Variants in C1orf162 observed in about 807,000 individuals in gnomAD.
C1orf162 encodes chromosome 1 open reading frame 162.
Under a neutral mutation model 11.4 loss-of-function variants are expected in C1orf162, and 10 were observed. That is an observed-to-expected ratio of 0.88 (90% CI 0.54 to 1.48). The LOEUF (loss-of-function observed/expected upper bound fraction) is 1.48. C1orf162 is among the 40% of genes most tolerant of loss of function. The pLI is 0.00. For missense variants in C1orf162, 140 were observed against 149.5 expected (o/e 0.94, Z 0.33); for synonymous variants, 53 against 55.0 (o/e 0.96, Z 0.16).
At chr1:111,476,722 C>A in intron 2 of C1orf162, 76 bp from the exon 3 acceptor site, 1 of 1,449,702 alleles carries the variant, frequency 6.9e-7, no homozygotes, top group Non-Finnish European at 9.7e-7. Context: ...TAGAATGGGG[C>A]ACCTGGGGAA....
Position 111,475,945 on chromosome 1 carries a change from A to C in C1orf162, c.-11-73A>C. 2.5e-6 allele frequency: 3 copies of C among 1,187,710 alleles called. No homozygotes were observed. In the South Asian group the frequency reaches 3.7e-5, roughly 15 times the overall value. 73.6% of individuals were successfully genotyped at this position (1,187,710 alleles called of 1,614,324 possible). ...TTGTTACTACTCTTATATGACAATC[A>C]CAGTCTCAGAGCTGGCCCTTAAGCC... On this transcript the variant is annotated intron_variant, in intron 1 of 5. Coordinates refer to ENST00000369718, the MANE Select transcript of C1orf162 (RefSeq NM_001300834.2).
intron 1 of C1orf162, 121 bp from the exon 2 acceptor site, chr1:111,475,897 G>T: frequency 1.4e-6 from 1 of 710,214 alleles, no homozygotes. Flanking sequence ...GATGGCACTA[G>T]AACACCCACA....
chr1:111,474,805 T>G (rs1345112252), intron 1 of C1orf162: 1 of 152,346 alleles, frequency 6.6e-6, no homozygotes, highest in East Asian at 1.9e-4. Flanking sequence ...TTGTTGCTGC[T>G]ATTGTAACAG....
intron 1 of C1orf162, chr1:111,475,327 A>T (rs771630723): frequency 6.6e-6 from 1 of 152,230 alleles, no homozygotes; most frequent in Non-Finnish European, 1.5e-5. Flanking sequence ...AAAGACACTA[A>T]AAACATTAAT....
intron 3 of C1orf162, 85 bp downstream of exon 3, chr1:111,476,952 C>A: frequency 1.4e-6 from 2 of 1,419,368 alleles, no homozygotes; most frequent in Non-Finnish European, 2.0e-6. Flanking sequence ...GGGATTTGGG[C>A]AGGGAGACTG....
chr1:111,476,148 GGCAC>G, intron 2 of C1orf162, 83 bp downstream of exon 2: 1 of 1,304,030 alleles, frequency 7.7e-7, no homozygotes, highest in Admixed American at 1.7e-5. Flanking sequence ...GTAATGGAAA[GGCAC>G]TAGCTAGTGC....
chr1:111,477,545 A>G (rs931243350), intron 4 of C1orf162, 117 bp downstream of exon 4: 2 of 1,481,616 alleles, frequency 1.3e-6, no homozygotes, highest in Non-Finnish European at 9.4e-7. Context: ...AAACCTGCTT[A>G]GCCCACCCTG....
intron 5 of C1orf162, 37 bp downstream of exon 5, chr1:111,477,812 C>T (rs757691543): frequency 1.1e-5 from 18 of 1,611,918 alleles, no homozygotes; most frequent in Non-Finnish European, 1.4e-5. Context: ...CACTGAAGGG[C>T]TACCGTCATT....
Position 111,478,361 on chromosome 1 carries a change from G to C in C1orf162, c.*238G>C. ...TGAACTGACAGCCTGTGAGCCCCTTGGGGGCATAGACTGCCTTCCTTGGAC... is the reference window on the plus strand; with the variant it reads ...TGAACTGACAGCCTGTGAGCCCCTTCGGGGCATAGACTGCCTTCCTTGGAC... On this transcript the variant is annotated 3_prime_UTR_variant, in exon 6 of 6. Transcript: ENST00000369718. 2 of 578,836 alleles carry C rather than the reference G, an allele frequency of 3.5e-6. No individual in the cohort carries two copies. Among genetic ancestry groups the C allele is most frequent in the Non-Finnish European group, 6.1e-6 (2 of 327,678 alleles). The allele number at this position is 578,836 out of a possible 1,614,324, so 35.9% of individuals were successfully genotyped here.
In C1orf162 at chr1:111,478,233, A is replaced by C; in HGVS notation, c.*110A>C. 7.6e-7 allele frequency: 1 copy of C among 1,323,992 alleles called. No individual in the cohort carries two copies. The highest frequency in any genetic ancestry group is 2.3e-5 in the East Asian group (1 of 43,168). 82.0% of individuals were successfully genotyped at this position (1,323,992 alleles called of 1,614,324 possible). ...TGGACCACCACCTGTGTGAAACTGC[A>C]GTCGGAGTTGTTTAGATGTGATCTG... On this transcript the variant is annotated 3_prime_UTR_variant, in exon 6 of 6. Transcript: ENST00000369718.
chr1:111,475,984 A>C (rs1653974906), intron 1 of C1orf162, 34 bp from the exon 2 acceptor site: 6 of 1,592,688 alleles, frequency 3.8e-6, no homozygotes, highest in Admixed American at 3.3e-5. Flanking sequence ...TCTCCCTTCC[A>C]AGCTTTCTAA....
intron 5 of C1orf162, 22 bp from the exon 6 acceptor site, chr1:111,477,961 C>T: frequency 6.2e-7 from 1 of 1,614,114 alleles, no homozygotes; most frequent in East Asian, 2.2e-5. Context: ...CTCACTCATT[C>T]CTCCTTTTTC....
At chr1:111,476,155 G>T in intron 2 of C1orf162, 90 bp downstream of exon 2, 1 of 1,257,692 alleles carries the variant, frequency 8.0e-7, no homozygotes, top group Non-Finnish European at 1.2e-6. Context: ...AAAGGCACTA[G>T]CTAGTGCATT....
At chr1:111,474,659 C>A (rs879389215) in intron 1 of C1orf162, 14 of 152,278 alleles carry the variant, frequency 9.2e-5, no homozygotes, top group Admixed American at 5.9e-4. Context: ...TTACCACTGC[C>A]GATTCTGCTG....
At position 111,477,993 on chromosome 1, in the gene C1orf162, T is replaced by C. The variant is rs1375078486; in HGVS notation, c.263T>C (p.Ile88Thr). 6.2e-6 allele frequency: 10 copies of C among 1,614,164 alleles called. No individual in the cohort carries two copies. Among genetic ancestry groups the C allele is most frequent in the African/African-American group, 2.7e-5 (2 of 75,050 alleles). ...HSDPPAKLSS[I>T]PGESLTYAST... ...TTTCTCCCTCTGCAGCTTTCATCCA[T>C]CCCAGGGGAATCACTTACCTATGCC... is the stretch of plus-strand genomic sequence containing the variant. Residue 88 changes from isoleucine to threonine, a missense_variant, in exon 6 of 6, where the codon ATC (isoleucine) becomes ACC (threonine). Physicochemically the swap from Ile to Thr is moderately conservative, Grantham distance 89. Coordinates refer to ENST00000369718, the MANE Select transcript of C1orf162 (RefSeq NM_001300834.2).
chr1:111,477,555 G>T (rs983787578), intron 4 of C1orf162, 127 bp downstream of exon 4: 1 of 1,492,340 alleles, frequency 6.7e-7, no homozygotes, highest in African/African-American at 1.4e-5. Context: ...AGCCCACCCT[G>T]TCTGCAGACT....
chr1:111,475,280 A>G (rs1653953343), intron 1 of C1orf162: 1 of 152,248 alleles, frequency 6.6e-6, no homozygotes, highest in Admixed American at 6.5e-5. Context: ...TATCTCAAGT[A>G]GCTTTTTAAA....
chr1:111,474,951 A>G (rs891165699), intron 1 of C1orf162: 2 of 152,222 alleles, frequency 1.3e-5, no homozygotes. Flanking sequence ...AAAATATAGA[A>G]GAAATAACAA....
intron 1 of C1orf162, 85 bp downstream of exon 1, chr1:111,474,115 A>G (rs903419836): frequency 5.9e-5 from 9 of 152,306 alleles, no homozygotes; most frequent in East Asian, 1.9e-4. Context: ...AGTGGTTTCT[A>G]TCACTTGTTT....
Sources: allele counts gnomAD v4.1 joint callset, GRCh38; gene constraint gnomAD v4.1.1; transcripts MANE v1.5; gene names NCBI Gene and HGNC (gene_info 2026-07-23, HGNC 2026-07-21).